Variants in LPP observed in about 807,000 individuals in gnomAD.
LPP encodes the protein LIM domain containing preferred translocation partner in lipoma.
Under a neutral mutation model 60.4 loss-of-function variants are expected in LPP, and 38 were observed. The ratio of observed to expected loss-of-function variants is 0.63; its 90% CI spans 0.49 to 0.83. The LOEUF (loss-of-function observed/expected upper bound fraction) is 0.83. Among genes scored for constraint, LPP ranks in the 40% least tolerant of loss-of-function variants. LPP has a pLI of 0.00. For synonymous variants in LPP, 328 were observed against 290.8 expected, an observed-to-expected ratio of 1.13 and a Z score of -1.30; for missense variants, 902 against 783.6, an observed-to-expected ratio of 1.15 and a Z score of -1.80.
At chr3:188,576,977 C>G (rs370151684) in intron 6 of LPP, among the ~76,000 whole-genome samples, 3 of 152,300 alleles carry the variant, frequency 2.0e-5, no homozygotes, top group Non-Finnish European at 1.5e-5. Context: ...GCGTGGTTAT[C>G]TTGGAGCCTC....
At chr3:188,197,180 T>A (rs950340716) in intron 1 of LPP, among the ~76,000 whole-genome samples, 5 of 152,094 alleles carry the variant, frequency 3.3e-5, no homozygotes, top group Admixed American at 1.3e-4. Flanking sequence ...GTTCAAGGAA[T>A]GGTGACATTT....
At chr3:188,370,890 C>T (rs1421442811) in intron 3 of LPP, among the ~76,000 whole-genome samples, 1 of 152,168 alleles carries the variant, frequency 6.6e-6, no homozygotes. Flanking sequence ...TTGGCTGTCG[C>T]AGCTTTGTTT....
chr3:188,473,571 T>C (rs1452234454), intron 4 of LPP, among the ~76,000 whole-genome samples: 3 of 152,138 alleles, frequency 2.0e-5, no homozygotes, highest in African/African-American at 4.8e-5. Flanking sequence ...TCTGGGTGTA[T>C]GTAGTGTGAG....
At chr3:188,789,030 G>A (rs549585752) in intron 9 of LPP, among the ~76,000 whole-genome samples, 56 of 151,890 alleles carry the variant, frequency 3.7e-4, no homozygotes, top group Middle Eastern at 3.4e-3. Flanking sequence ...CCAGTCTGTG[G>A]CCACTAACCT....
At chr3:188,611,781 A>G (rs1288146398) in intron 7 of LPP, among the ~76,000 whole-genome samples, 1 of 152,186 alleles carries the variant, frequency 6.6e-6, no homozygotes. Context: ...GCTAGTCTTC[A>G]GATGTTGTTT....
At chr3:188,729,648 G>T (rs1015980260) in intron 8 of LPP, among the ~76,000 whole-genome samples, 14 of 152,142 alleles carry the variant, frequency 9.2e-5, no homozygotes, top group Non-Finnish European at 1.9e-4. Context: ...TGTGTTTTGT[G>T]TGTGTTTAGA....
intron 5 of LPP, among the ~76,000 whole-genome samples, chr3:188,503,302 A>G (rs1262953272): frequency 6.6e-6 from 1 of 152,196 alleles, no homozygotes; most frequent in African/African-American, 2.4e-5. Context: ...CATTGTGTAC[A>G]CAACAACATA....
intron 6 of LPP, among the ~76,000 whole-genome samples, chr3:188,544,484 C>T (rs1826006289): frequency 6.6e-6 from 1 of 151,400 alleles, no homozygotes; most frequent in African/African-American, 2.4e-5. Context: ...ATTTATGCAG[C>T]CAAAAAACAC....
At chr3:188,810,567 T>C (rs955617582) in intron 9 of LPP, among the ~76,000 whole-genome samples, 3 of 152,192 alleles carry the variant, frequency 2.0e-5, no homozygotes, top group African/African-American at 4.8e-5. Flanking sequence ...GCTATTAATC[T>C]TTTTTGTGTC....
At chr3:188,470,281 T>TACACACACAC (rs59656753) in intron 4 of LPP, among the ~76,000 whole-genome samples, 24 of 126,850 alleles carry the variant, frequency 1.9e-4, no homozygotes, top group East Asian at 8.4e-4. Context: ...CTCTCTCTCA[T>TACACACACAC]ACACACACAC....
intron 8 of LPP, chr3:188,711,041 TC>T (rs1483670337): frequency 6.6e-6 from 1 of 152,216 alleles, no homozygotes; most frequent in Non-Finnish European, 1.5e-5. Context: ...TAGAATATGC[TC>T]AATACAATAC....
At chr3:188,815,923 A>G (rs893187735) in intron 9 of LPP, among the ~76,000 whole-genome samples, 2 of 152,310 alleles carry the variant, frequency 1.3e-5, no homozygotes, top group South Asian at 4.1e-4. Flanking sequence ...TGTATCAACA[A>G]ATCACTTATT....
At chr3:188,214,440 C>T (rs2149234241) in intron 1 of LPP, among the ~76,000 whole-genome samples, 1 of 152,264 alleles carries the variant, frequency 6.6e-6, no homozygotes, top group Non-Finnish European at 1.5e-5. Context: ...CTCGGATCAA[C>T]TTGAGGGCCT....
rs374294307 is a variant in LPP, at chr3:188,599,751, G to GGGGTGTGTGTGTGTGTGT, written c.430-9409_430-9408insGGTGTGTGTGTGTGTGTG. Among the ~76,000 whole-genome samples the GGGGTGTGTGTGTGTGTGT allele has an allele frequency of 5.7e-5, 8 of 139,828 alleles. No individual in the cohort carries two copies. In the South Asian group the frequency reaches 1.7e-3, roughly 29 times the overall value. The allele number at this position is 139,828 out of a possible 152,430, so 91.7% of individuals were successfully genotyped here. A position where few individuals can be genotyped will look rare whatever the true frequency, so the allele number is the denominator to read the frequency against. ...CAAAAACTATCGGGGACTCGTTAGG[G>GGGGTGTGTGTGTGTGTGT]GTGTGTGTGTGTGTGTGTGTGTGTG... On this transcript the variant is annotated intron_variant, in intron 6 of 11. Transcript: ENST00000617246.
At chr3:188,463,823 G>A (rs997165874) in intron 4 of LPP, among the ~76,000 whole-genome samples, 1 of 152,080 alleles carries the variant, frequency 6.6e-6, no homozygotes, top group African/African-American at 2.4e-5. Flanking sequence ...TCGGTACTAG[G>A]ATCTCCTGAG....
rs150448705 is a variant in LPP, at chr3:188,332,029, A to G, written c.-66-9634A>G. On this transcript the variant is annotated intron_variant, in intron 2 of 11. Coordinates refer to ENST00000617246, the MANE Select transcript of LPP (RefSeq NM_001375462.1). ...CTCCTTTTCTTTTTCACACATGTGC[A>G]CTTGGTTTTAAAAATTATTTCAAGA... Among the ~76,000 whole-genome samples, 310 of 152,224 alleles carry G rather than the reference A, an allele frequency of 2.0e-3. 7 individuals carry two copies. Among genetic ancestry groups the G allele is most frequent in the African/African-American group, 6.3e-3 (263 of 41,538 alleles).
chr3:188,512,437 A>G (rs1446968023), intron 5 of LPP, among the ~76,000 whole-genome samples: 2 of 151,896 alleles, frequency 1.3e-5, no homozygotes, highest in African/African-American at 4.8e-5. Context: ...TTGTAATCCT[A>G]GCTACTCGGG....
intron 3 of LPP, among the ~76,000 whole-genome samples, chr3:188,371,635 ATATATATTTTTTTTTTTTTT>A (rs1374825672): frequency 6.9e-5 from 2 of 29,044 alleles, no homozygotes; most frequent in Admixed American, 5.6e-4. Context: ...ATATATATAT[ATATATATTTTTTTTTTTTTT>A]TTTTTTTTTT....
chr3:188,822,523 G>A (rs1371205016), intron 9 of LPP, among the ~76,000 whole-genome samples: 2 of 152,152 alleles, frequency 1.3e-5, no homozygotes, highest in African/African-American at 4.8e-5. Flanking sequence ...CACACTTTGG[G>A]GAAGTATACG....
Sources: allele counts gnomAD v4.1 joint callset (sites outside exome capture counted in the v4.1 genomes callset), GRCh38; gene constraint gnomAD v4.1.1; transcripts MANE v1.5; gene names NCBI Gene and HGNC (gene_info 2026-07-23, HGNC 2026-07-21).